The following GUCY1A2 variants were observed in gnomAD, a reference collection of about 807,000 sequenced individuals.
GUCY1A2 encodes guanylate cyclase 1 soluble subunit alpha 2.
A neutral mutation model predicts 63.5 loss-of-function variants in GUCY1A2; 27 were observed. That is an observed-to-expected ratio of 0.43 (90% CI 0.31 to 0.59). GUCY1A2 has a LOEUF of 0.59. Among genes scored for constraint, GUCY1A2 ranks in the 20% least tolerant of loss-of-function variants. The pLI is 0.11. For missense variants in GUCY1A2, 768 were observed against 913.3 expected (o/e 0.84, Z 2.05); for synonymous variants, 364 against 343.5 (o/e 1.06, Z -0.66).
intron 5 of GUCY1A2, among the ~76,000 whole-genome samples, chr11:106,788,172 A>G (rs891858098): frequency 2.0e-5 from 3 of 151,950 alleles, no homozygotes; most frequent in African/African-American, 7.2e-5. Flanking sequence ...CCTGTTTGCC[A>G]TTTCTCTTCT....
At chr11:106,978,562 C>T (rs1450588833) in intron 3 of GUCY1A2, 57 bp downstream of exon 3, 9 of 1,216,914 alleles carry the variant, frequency 7.4e-6, no homozygotes, top group South Asian at 5.6e-5. Context: ...ACTTCCACCT[C>T]GACTTTCCCT....
chr11:106,981,444 T>C (rs1315613601), intron 2 of GUCY1A2, among the ~76,000 whole-genome samples: 1 of 148,604 alleles, frequency 6.7e-6, no homozygotes, highest in Non-Finnish European at 1.5e-5. Context: ...AACAGTCCTA[T>C]CCATGATATT....
chr11:107,008,194 G>A (rs544518050), intron 1 of GUCY1A2, among the ~76,000 whole-genome samples: 2 of 145,254 alleles, frequency 1.4e-5, no homozygotes, highest in South Asian at 2.2e-4. Flanking sequence ...CAGGAGAATC[G>A]CTGGAACCCG....
chr11:106,811,606 G>T (rs1380671338), intron 4 of GUCY1A2, among the ~76,000 whole-genome samples: 1 of 151,996 alleles, frequency 6.6e-6, no homozygotes. Flanking sequence ...TTGGGATCTG[G>T]ATTTTTAAGT....
intron 4 of GUCY1A2, among the ~76,000 whole-genome samples, chr11:106,840,627 G>A (rs890848845): frequency 3.3e-5 from 5 of 151,842 alleles, no homozygotes; most frequent in African/African-American, 1.2e-4. Flanking sequence ...ACATAAAGAG[G>A]TGTAAAATTT....
intron 4 of GUCY1A2, among the ~76,000 whole-genome samples, chr11:106,866,304 AC>A (rs998658530): frequency 1.7e-4 from 26 of 152,148 alleles, no homozygotes; most frequent in African/African-American, 6.0e-4. Flanking sequence ...AGGTTAGGAG[AC>A]AGAGAGGGAA....
chr11:106,930,228 A>G (rs1288149060), intron 4 of GUCY1A2, among the ~76,000 whole-genome samples: 1 of 152,222 alleles, frequency 6.6e-6, no homozygotes, highest in Non-Finnish European at 1.5e-5. Flanking sequence ...CCCACTGACT[A>G]TGAGGTTGGC....
At chr11:106,760,179 A>G (rs1307964885) in intron 6 of GUCY1A2, among the ~76,000 whole-genome samples, 1 of 152,206 alleles carries the variant, frequency 6.6e-6, no homozygotes, top group African/African-American at 2.4e-5. Flanking sequence ...GTTCTAAGCC[A>G]CTTAGTTTGT....
chr11:106,736,576 C>G (rs1316190043), intron 6 of GUCY1A2, among the ~76,000 whole-genome samples: 1 of 152,020 alleles, frequency 6.6e-6, no homozygotes, highest in East Asian at 1.9e-4. Context: ...TTTCTCCAGT[C>G]TTATTCTTTT....
chr11:106,730,493 A>G (rs892226935), intron 6 of GUCY1A2, among the ~76,000 whole-genome samples: 2 of 152,070 alleles, frequency 1.3e-5, no homozygotes, highest in African/African-American at 4.8e-5. Flanking sequence ...TATATGAACA[A>G]CATTTTCTTT....
At chr11:106,839,241 C>T (rs1338254717) in intron 4 of GUCY1A2, among the ~76,000 whole-genome samples, 2 of 151,864 alleles carry the variant, frequency 1.3e-5, no homozygotes, top group African/African-American at 2.4e-5. Flanking sequence ...GAATCCTTTC[C>T]CCATTTCTTG....
chr11:106,817,895 G>C (rs1431261559), intron 4 of GUCY1A2, among the ~76,000 whole-genome samples: 2 of 152,190 alleles, frequency 1.3e-5, no homozygotes, highest in African/African-American at 4.8e-5. Flanking sequence ...CTGTTGGTGG[G>C]AGTGGAAATT....
intron 3 of GUCY1A2, among the ~76,000 whole-genome samples, chr11:106,958,362 A>C (rs182816670): frequency 6.6e-6 from 1 of 152,166 alleles, no homozygotes; most frequent in Admixed American, 6.5e-5. Flanking sequence ...CCAAAACTGA[A>C]TATCTCCAGT....
chr11:106,737,878 T>C (rs1441179535), intron 6 of GUCY1A2, among the ~76,000 whole-genome samples: 18 of 152,078 alleles, frequency 1.2e-4, no homozygotes, highest in Admixed American at 1.2e-3. Context: ...TGTGTCTTTA[T>C]AGAATTATTT....
chr11:106,830,270 T>C (rs1859032651), intron 4 of GUCY1A2, among the ~76,000 whole-genome samples: 1 of 152,200 alleles, frequency 6.6e-6, no homozygotes, highest in Non-Finnish European at 1.5e-5. Flanking sequence ...TTATGTTATG[T>C]GTAATTATGA....
At position 106,674,959 on chromosome 11, in the gene GUCY1A2, GTTTAT is replaced by G. The variant is rs930870173; in HGVS notation, c.*12585_*12589del. 4.7e-6 allele frequency: 1 copy of G among 214,970 alleles called. No homozygotes were observed. Among genetic ancestry groups the G allele is most frequent in the African/African-American group, 2.3e-5 (1 of 44,318 alleles). 13.3% of individuals were successfully genotyped at this position (214,970 alleles called of 1,614,324 possible). A position where few individuals can be genotyped will look rare whatever the true frequency, so the allele number is the denominator to read the frequency against. On this transcript the variant is annotated 3_prime_UTR_variant, in exon 8 of 8. Transcript: ENST00000526355. Reference sequence around the variant, plus strand: ...CAGACTTGATGGAAGTGCATTGGCTGTTTATTTTATGCATTGAAGTGAGTATTAAT... The same window carrying G: ...CAGACTTGATGGAAGTGCATTGGCTGTTTATGCATTGAAGTGAGTATTAAT...
At chr11:107,003,009 C>G (rs1261362750) in intron 1 of GUCY1A2, among the ~76,000 whole-genome samples, 1 of 152,062 alleles carries the variant, frequency 6.6e-6, no homozygotes, top group Non-Finnish European at 1.5e-5. Flanking sequence ...TCTAAAGAGA[C>G]CCTATCCTTG....
chr11:106,708,978 A>C (rs1033591251), intron 6 of GUCY1A2, among the ~76,000 whole-genome samples: 3 of 150,794 alleles, frequency 2.0e-5, no homozygotes, highest in African/African-American at 7.3e-5. Flanking sequence ...ATATGGTCTA[A>C]CTTGAAAAGT....
rs1555021631 is a variant in GUCY1A2, at chr11:106,709,342, A to AT, written c.1837-677_1837-676insA. On this transcript the variant is annotated intron_variant, in intron 6 of 7. Transcript: ENST00000526355. ...TTATATATATTATATAAATATATAT[A>AT]AATTTATATATTTTATATAATATAT... Among the ~76,000 whole-genome samples, 569 of 87,904 alleles carry AT rather than the reference A, an allele frequency of 6.5e-3. 9 individuals are homozygous for AT. The highest frequency in any genetic ancestry group is 0.024 in the African/African-American group (509 of 21,642). The allele number at this position is 87,904 out of a possible 152,430, so 57.7% of individuals were successfully genotyped here. A position where few individuals can be genotyped will look rare whatever the true frequency, so the allele number is the denominator to read the frequency against.
Sources: gnomAD v4.1 joint callset for allele counts (sites outside exome capture counted in the v4.1 genomes callset) on GRCh38, gnomAD v4.1.1 for gene constraint, MANE v1.5 for transcripts, NCBI Gene and HGNC (gene_info 2026-07-23, HGNC 2026-07-21) for gene names.